The following TFPI variants were observed in gnomAD, a reference collection of about 807,000 sequenced individuals.
The protein encoded by TFPI is tissue factor pathway inhibitor, also known as anti-convertin.
A neutral mutation model predicts 34.6 loss-of-function variants in TFPI; 15 were observed. The observed-to-expected ratio is 0.43, with a 90% CI of 0.29 to 0.67. The LOEUF is 0.67. Among genes scored for constraint, TFPI ranks in the 30% least tolerant of loss-of-function variants. TFPI has a pLI of 0.15. For synonymous variants in TFPI, 105 were observed against 120.1 expected (o/e 0.87, Z 0.82); for missense variants, 301 against 364.0 (o/e 0.83, Z 1.41).
intron 1 of TFPI, chr2:187,518,196 G>T (rs912885345): frequency 9.2e-5 from 14 of 152,150 alleles, no homozygotes; most frequent in African/African-American, 3.1e-4. Flanking sequence ...ATGCTAGCTG[G>T]TTATCTTGAC....
At chr2:187,495,374 C>T (rs1685404985) in intron 3 of TFPI, among the ~76,000 whole-genome samples, 1 of 152,138 alleles carries the variant, frequency 6.6e-6, no homozygotes, top group Non-Finnish European at 1.5e-5. Context: ...CAAAAGGATA[C>T]TTGGCCCAAT....
chr2:187,488,192 T>A, intron 4 of TFPI, 145 bp downstream of exon 4: 1 of 559,660 alleles, frequency 1.8e-6, no homozygotes, highest in East Asian at 3.3e-5. Context: ...TATGGATTTT[T>A]TTAAATCAAT....
intron 1 of TFPI, chr2:187,517,706 C>A (rs1399674427): frequency 2.6e-5 from 4 of 152,292 alleles, no homozygotes; most frequent in Middle Eastern, 3.4e-3. Context: ...TGTTAATTTT[C>A]TGTCTCATTG....
chr2:187,546,708 T>C (rs1487989111), intron 1 of TFPI: 1 of 152,206 alleles, frequency 6.6e-6, no homozygotes, highest in Non-Finnish European at 1.5e-5. Context: ...TTTTACCTGC[T>C]TTTTGTATTT....
intron 3 of TFPI, among the ~76,000 whole-genome samples, 155 bp from the exon 4 acceptor site, chr2:187,488,530 C>T (rs753174492): frequency 6.0e-5 from 9 of 151,150 alleles, no homozygotes; most frequent in Non-Finnish European, 1.3e-4. Context: ...TTTCTTTTCT[C>T]TAAAAATTAA....
At chr2:187,508,672 C>T (rs1286797807) in intron 1 of TFPI, among the ~76,000 whole-genome samples, 1 of 152,144 alleles carries the variant, frequency 6.6e-6, no homozygotes, top group Non-Finnish European at 1.5e-5. Flanking sequence ...GCTGAAGTTG[C>T]TTATCAGCTT....
chr2:187,546,985 T>A (rs905105844), intron 1 of TFPI: 1 of 152,246 alleles, frequency 6.6e-6, no homozygotes, highest in African/African-American at 2.4e-5. Context: ...ATTACCTTTT[T>A]AAAAATTTTT....
rs148347421 is a variant in TFPI at position 187,528,265 on chromosome 2, G to A, written c.-2-24495C>T. On this transcript the variant is annotated intron_variant, in intron 1 of 7. Transcript: ENST00000233156. ...AATTGCCTCTCACAGCTGGGAATAG[G>A]GCAAAGAAGTTCACCCAACAGTCAA... is the stretch of plus-strand genomic sequence containing the variant. Among the ~76,000 whole-genome samples, 1,089 of 152,106 alleles carry A rather than the reference G, an allele frequency of 7.2e-3. 17 individuals are homozygous for A. Among genetic ancestry groups the A allele is most frequent in the African/African-American group, 0.024 (1,016 of 41,496 alleles).
chr2:187,539,544 A>G (rs1688456859), intron 1 of TFPI, among the ~76,000 whole-genome samples: 1 of 152,252 alleles, frequency 6.6e-6, no homozygotes, highest in Non-Finnish European at 1.5e-5. Context: ...GTGTAAATAC[A>G]GCAGATAGTG....
At chr2:187,549,632 A>C (rs1397983620) in intron 1 of TFPI, among the ~76,000 whole-genome samples, 3 of 152,144 alleles carry the variant, frequency 2.0e-5, no homozygotes, top group African/African-American at 7.2e-5. Context: ...AGAAACAGTG[A>C]TCTTATGTTC....
intron 1 of TFPI, among the ~76,000 whole-genome samples, chr2:187,504,623 T>G (rs931980458): frequency 6.6e-6 from 1 of 151,676 alleles, no homozygotes; most frequent in African/African-American, 2.4e-5. Context: ...TAAAGACGAC[T>G]TCTTCTTTGG....
intron 1 of TFPI, chr2:187,515,056 G>A (rs1245314460): frequency 2.6e-5 from 4 of 152,202 alleles, no homozygotes; most frequent in African/African-American, 4.8e-5. Context: ...AAAAAAAATG[G>A]CGGTTAGAGT....
At chr2:187,540,545 T>A (rs564759404) in intron 1 of TFPI, among the ~76,000 whole-genome samples, 1 of 152,314 alleles carries the variant, frequency 6.6e-6, no homozygotes, top group African/African-American at 2.4e-5. Flanking sequence ...TTTATAGATG[T>A]AAGTCATATA....
At chr2:187,485,679 T>G (rs543900781) in intron 4 of TFPI, among the ~76,000 whole-genome samples, 1 of 151,742 alleles carries the variant, frequency 6.6e-6, no homozygotes, top group African/African-American at 2.4e-5. Context: ...TCTTTGATAG[T>G]GCTCCAAAGC....
chr2:187,470,275 C>T (rs1691956996), intron 6 of TFPI, among the ~76,000 whole-genome samples: 1 of 152,088 alleles, frequency 6.6e-6, no homozygotes, highest in Non-Finnish European at 1.5e-5. Flanking sequence ...GTTGTTACGT[C>T]TAAATAGCAA....
intron 2 of TFPI, 79 bp from the exon 3 acceptor site, chr2:187,497,157 G>A (rs1307886384): frequency 4.7e-6 from 6 of 1,286,812 alleles, no homozygotes; most frequent in African/African-American, 1.5e-5. Flanking sequence ...TTTTTAATAT[G>A]TCCTGATTTT....
chr2:187,506,214 A>G (rs1318036174), intron 1 of TFPI, among the ~76,000 whole-genome samples: 2 of 151,970 alleles, frequency 1.3e-5, no homozygotes, highest in Admixed American at 6.6e-5. Context: ...ATAAAACACC[A>G]TTTGCAGATC....
chr2:187,479,171 A>G (rs961778178), intron 6 of TFPI, among the ~76,000 whole-genome samples: 24 of 152,086 alleles, frequency 1.6e-4, no homozygotes, highest in African/African-American at 5.1e-4. Flanking sequence ...GCCAATTTGA[A>G]TGGACGGAAA....
rs142400106 is a variant in TFPI at position 187,535,288 on chromosome 2, C to A, written c.-3+18912G>T. Among the ~76,000 whole-genome samples the A allele has an allele frequency of 1.5e-3, 230 of 152,292 alleles. 4 individuals carry two copies. The East Asian group carries it at 0.042, about 28-fold the overall frequency. Reference sequence around the variant, plus strand: ...ACCCCAAATCAACAGAATATATATTCTTCTCAGCACCACATCACACTTATT... The same window carrying A: ...ACCCCAAATCAACAGAATATATATTATTCTCAGCACCACATCACACTTATT... On this transcript the variant is annotated intron_variant, in intron 1 of 7. Transcript: ENST00000233156.
Sources: allele counts gnomAD v4.1 joint callset (sites outside exome capture counted in the v4.1 genomes callset), GRCh38; gene constraint gnomAD v4.1.1; transcripts MANE v1.5; gene names NCBI Gene and HGNC (gene_info 2026-07-23, HGNC 2026-07-21).